The following FBXL2 variants were observed in gnomAD, a reference collection of about 807,000 sequenced individuals.
FBXL2 encodes the protein F-box and leucine rich repeat protein 2.
A neutral mutation model predicts 69.2 loss-of-function variants in FBXL2; 38 were observed. The observed-to-expected ratio is 0.55, with a 90% confidence interval of 0.42 to 0.72. FBXL2 has a LOEUF of 0.72. Among genes scored for constraint, FBXL2 ranks in the 30% least tolerant of loss-of-function variants. The pLI is 0.00. For missense variants in FBXL2, 354 were observed against 520.3 expected (o/e 0.68, Z 3.11); for synonymous variants, 192 against 201.3 (o/e 0.95, Z 0.39).
chr3:33,364,872 A>T (rs1293608253), intron 5 of FBXL2, among the ~76,000 whole-genome samples, 153 bp downstream of exon 5: 2 of 152,206 alleles, frequency 1.3e-5, no homozygotes, highest in African/African-American at 4.8e-5. Context: ...TGGAATAGCA[A>T]ACCTGGGTTG....
chr3:33,290,379 C>G (rs2035100941), intron 1 of FBXL2, among the ~76,000 whole-genome samples: 1 of 152,138 alleles, frequency 6.6e-6, no homozygotes, highest in African/African-American at 2.4e-5. Context: ...TACGCAGTAT[C>G]TGGCATGAAA....
intron 12 of FBXL2, chr3:33,396,462 A>G (rs2043999943): frequency 5.8e-6 from 3 of 514,540 alleles, no homozygotes; most frequent in Admixed American, 3.3e-5. Context: ...CAACTATCAC[A>G]GGTGGTCTAA....
In FBXL2 at chr3:33,322,519, T is replaced by G. The variant is rs564330656; in HGVS notation, c.65+24794T>G. Among the ~76,000 whole-genome samples the G allele has an allele frequency of 5.8e-4, 88 of 152,320 alleles. 2 individuals are homozygous for G. In the South Asian group the frequency reaches 0.018, roughly 31 times the overall value. The stretch of plus-strand genomic sequence containing the variant: ...GTTTACACAGTTGCTTGGATAAATC[T>G]TAGTCTTCTAATGCTGAGTGAAAAA... On this transcript the variant is annotated intron_variant, in intron 2 of 14. Transcript: ENST00000484457.
At chr3:33,401,060 C>A in intron 12 of FBXL2, 1 of 1,535,248 alleles carries the variant, frequency 6.5e-7, no homozygotes, top group African/African-American at 1.4e-5. Flanking sequence ...TTTTATAATA[C>A]ATATATGTTT....
chr3:33,372,772 T>A, intron 5 of FBXL2: 1 of 464,140 alleles, frequency 2.2e-6, no homozygotes, highest in Non-Finnish European at 3.9e-6. Context: ...GCTAGGCCTC[T>A]ATTCTCATGA....
chr3:33,416,130 T>G, the FBXL2 span: 3 of 152,224 alleles, frequency 2.0e-5, no homozygotes, highest in African/African-American at 7.2e-5. Flanking sequence ...TCAAGAGAAC[T>G]TGTCTCTTGC....
chr3:33,382,375 G>C (rs1332211827), intron 13 of FBXL2, among the ~76,000 whole-genome samples: 3 of 152,104 alleles, frequency 2.0e-5, no homozygotes, highest in African/African-American at 7.2e-5. Flanking sequence ...ACCCCGGAAA[G>C]GCCCTTTCTG....
chr3:33,412,186 CAAAA>C, the FBXL2 span, among the ~76,000 whole-genome samples: 6 of 63,454 alleles, frequency 9.5e-5, no homozygotes, highest in African/African-American at 2.6e-4. Context: ...AACTCCGTCT[CAAAA>C]AAAAAAAAAA....
chr3:33,285,061 G>A (rs961118743), intron 1 of FBXL2, among the ~76,000 whole-genome samples: 2 of 152,142 alleles, frequency 1.3e-5, no homozygotes, highest in African/African-American at 4.8e-5. Context: ...ATATTGTTAT[G>A]TGTGAATTTG....
chr3:33,338,770 A>G (rs1422677656), intron 2 of FBXL2, among the ~76,000 whole-genome samples: 2 of 152,172 alleles, frequency 1.3e-5, no homozygotes, highest in Non-Finnish European at 1.5e-5. Context: ...ATATACAAAA[A>G]TCAGCTCAAG....
At chr3:33,382,387 T>C (rs1336367045) in intron 13 of FBXL2, among the ~76,000 whole-genome samples, 1 of 152,168 alleles carries the variant, frequency 6.6e-6, no homozygotes. Context: ...CCCTTTCTGC[T>C]CCCTTTCAAT....
intron 2 of FBXL2, among the ~76,000 whole-genome samples, chr3:33,343,338 A>C (rs2040207420): frequency 6.6e-6 from 1 of 152,070 alleles, no homozygotes. Context: ...TATACTTTCT[A>C]ATCTTAAGTA....
chr3:33,298,637 AGTG>A (rs2125718083), intron 2 of FBXL2, among the ~76,000 whole-genome samples: 1 of 146,248 alleles, frequency 6.8e-6, no homozygotes, highest in East Asian at 2.1e-4. Context: ...CAGAGGTTGC[AGTG>A]AGCCTAGCCT....
At chr3:33,329,524 A>G (rs995359806) in intron 2 of FBXL2, among the ~76,000 whole-genome samples, 2 of 151,272 alleles carry the variant, frequency 1.3e-5, no homozygotes, top group African/African-American at 4.8e-5. Context: ...CTAAGTGTCC[A>G]TCAGTGGATG....
In FBXL2 at chr3:33,384,045, T is replaced by C; in HGVS notation, c.1008T>C (p.Ser336=). ...ATGGGATCCTGCACCTGAGCAACAG[T>C]ACCTGTGGCCATGAGAGGCTGCGGG... ...TDDGILHLSN[S]TCGHERLRVL... is the part of the protein sequence containing the mutation. Residue 336 remains serine, a synonymous_variant, in exon 14 of 15, where the codon AGT becomes AGC. Transcript: ENST00000484457. The C allele has an allele frequency of 1.9e-6, 3 of 1,614,118 alleles. No homozygotes were observed. Among genetic ancestry groups the C allele is most frequent in the Non-Finnish European group, 2.5e-6 (3 of 1,180,016 alleles).
chr3:33,352,486 T>A (rs2040892889), intron 2 of FBXL2, among the ~76,000 whole-genome samples: 1 of 152,310 alleles, frequency 6.6e-6, no homozygotes, highest in South Asian at 2.1e-4. Flanking sequence ...TTAAAACATC[T>A]TCTCTGAGAA....
downstream of FBXL2, among the ~76,000 whole-genome samples, chr3:33,408,014 A>G (rs2044472283): frequency 6.6e-6 from 1 of 152,214 alleles, no homozygotes; most frequent in Non-Finnish European, 1.5e-5. Flanking sequence ...CCCTGACTGC[A>G]TATTGGGGGC....
chr3:33,334,571 A>G (rs1376495546), intron 2 of FBXL2, among the ~76,000 whole-genome samples: 2 of 152,200 alleles, frequency 1.3e-5, no homozygotes, highest in Non-Finnish European at 1.5e-5. Context: ...GAGGTCTAAC[A>G]TACATATAAT....
chr3:33,321,887 A>C (rs1250305695), intron 2 of FBXL2, among the ~76,000 whole-genome samples: 1 of 152,106 alleles, frequency 6.6e-6, no homozygotes, highest in Non-Finnish European at 1.5e-5. Context: ...ATTTACTGAA[A>C]TGTCATTATC....
Sources: gnomAD v4.1 joint callset for allele counts (sites outside exome capture counted in the v4.1 genomes callset) on GRCh38, gnomAD v4.1.1 for gene constraint, MANE v1.5 for transcripts, NCBI Gene and HGNC (gene_info 2026-07-23, HGNC 2026-07-21) for gene names.